Variants in RNMT observed in about 807,000 individuals in gnomAD.
RNMT encodes RNA guanine-7 methyltransferase.
In RNMT, 27 loss-of-function variants were observed where a neutral mutation model predicts 56.0. The ratio of observed to expected loss-of-function variants is 0.48; its 90% CI spans 0.36 to 0.67. The LOEUF (loss-of-function observed/expected upper bound fraction) is 0.67, where lower values mean the gene tolerates loss of function less well. RNMT is among the 30% of genes least tolerant of loss of function. The pLI is 0.00. For missense variants in RNMT, 519 were observed against 552.1 expected (o/e 0.94, Z 0.60); for synonymous variants, 184 against 176.2 (o/e 1.04, Z -0.35).
chr18:13,732,066 CAA>C lies in RNMT; in HGVS notation c.417+134_417+135del. Reference sequence around the variant, plus strand: ...ATTTTTAATAGATATGGTCCTAAGACAAAGTAGGCTTTTAACTCTTATGATTT... The same window carrying C: ...ATTTTTAATAGATATGGTCCTAAGACAGTAGGCTTTTAACTCTTATGATTT... On this transcript the variant is annotated intron_variant, in intron 3 of 11. Transcript: ENST00000383314. 3 of 598,222 alleles carry C rather than the reference CAA, an allele frequency of 5.0e-6. 1 individual carries two copies. The highest frequency in any genetic ancestry group is 8.1e-6 in the Non-Finnish European group (3 of 370,994). The allele number at this position is 598,222 out of a possible 1,614,324, so 37.1% of individuals were successfully genotyped here. A position where few individuals can be genotyped will look rare whatever the true frequency, so the allele number is the denominator to read the frequency against.
At chr18:13,732,291 G>A (rs1387334912) in intron 3 of RNMT, among the ~76,000 whole-genome samples, 1 of 152,120 alleles carries the variant, frequency 6.6e-6, no homozygotes, top group African/African-American at 2.4e-5. Flanking sequence ...AACCTCCTGG[G>A]CATAAGCAGT....
At position 13,760,584 on chromosome 18, in the gene RNMT, C is replaced by T; in HGVS notation, c.*605C>T. 1 of 985,596 alleles carries T rather than the reference C, an allele frequency of 1.0e-6. No homozygotes were observed. The highest frequency in any genetic ancestry group is 1.2e-6 in the Non-Finnish European group (1 of 829,920). 61.1% of individuals were successfully genotyped at this position (985,596 alleles called of 1,614,324 possible). A position where few individuals can be genotyped will look rare whatever the true frequency, so the allele number is the denominator to read the frequency against. On this transcript the variant is annotated 3_prime_UTR_variant, in exon 12 of 12. Coordinates refer to ENST00000383314, the MANE Select transcript of RNMT (RefSeq NM_003799.3). ...GCTGCAATTCAGGAGCTGGTTAGAA[C>T]ATTTTAAGTGGCAGCATAGAATTTT...
At position 13,762,889 on chromosome 18, in the gene RNMT, G is replaced by A. The variant is rs1598433400; in HGVS notation, c.*2910G>A. 1 of 348,428 alleles carries A rather than the reference G, an allele frequency of 2.9e-6. No individual in the cohort carries two copies. The allele number at this position is 348,428 out of a possible 1,614,324, so 21.6% of individuals were successfully genotyped here. ...AATGAAGGTTTGGCTACTTGTATAG[G>A]TCTGCCTGCAGGGTGAAAATGCCAG... On this transcript the variant is annotated 3_prime_UTR_variant, in exon 12 of 12. Transcript: ENST00000383314.
At chr18:13,727,156 C>G (rs73958030) in intron 1 of RNMT, among the ~76,000 whole-genome samples, 1,736 of 152,294 alleles carry the variant, frequency 0.011, 37 homozygotes, top group African/African-American at 0.04. Flanking sequence ...CCTCTCGGGC[C>G]CCGTGGTAGA....
intron 1 of RNMT, among the ~76,000 whole-genome samples, chr18:13,728,318 TTTTTTTTTTTTTTGTGTGTGTGTGTG>T (rs1485582178): frequency 2.5e-3 from 35 of 14,130 alleles, no homozygotes; most frequent in Admixed American, 3.8e-3. Flanking sequence ...TTTTTTTTTT[TTTTTTTTTTTTTTGTGTGTGTGTGTG>T]TGTGTGTGTG....
chr18:13,745,749 A>G (rs1234768487), intron 8 of RNMT, among the ~76,000 whole-genome samples: 1 of 151,106 alleles, frequency 6.6e-6, no homozygotes, highest in Non-Finnish European at 1.5e-5. Flanking sequence ...GTAAAAAAAA[A>G]CCTGTAAGTG....
intron 11 of RNMT, among the ~76,000 whole-genome samples, chr18:13,757,872 C>G (rs2044569447): frequency 6.6e-6 from 1 of 152,154 alleles, no homozygotes; most frequent in African/African-American, 2.4e-5. Context: ...AAATGTATTT[C>G]TTAAATAATA....
intron 1 of RNMT, among the ~76,000 whole-genome samples, chr18:13,728,300 C>CTTT (rs1204415985): frequency 3.6e-4 from 40 of 109,636 alleles, no homozygotes; most frequent in African/African-American, 6.2e-4. Context: ...TCATCAGCAT[C>CTTT]TTTTTTTTTT....
At position 13,761,928 on chromosome 18, in the gene RNMT, G is replaced by T. The variant is rs1036151678; in HGVS notation, c.*1949G>T. Reference sequence around the variant, plus strand: ...TTGACTTAAGAACTGTTAGGAAGAGGACTAGAAAAGGCTTCCCCTGCCTAT... The same window carrying T: ...TTGACTTAAGAACTGTTAGGAAGAGTACTAGAAAAGGCTTCCCCTGCCTAT... On this transcript the variant is annotated 3_prime_UTR_variant, in exon 12 of 12. Transcript: ENST00000383314. 5.5e-6 allele frequency: 8 copies of T among 1,451,816 alleles called. No homozygotes were observed. In the Admixed American group the frequency reaches 1.8e-4, roughly 33 times the overall value. 89.9% of individuals were successfully genotyped at this position (1,451,816 alleles called of 1,614,324 possible). A position where few individuals can be genotyped will look rare whatever the true frequency, so the allele number is the denominator to read the frequency against.
chr18:13,743,366 A>C (rs930018016), intron 8 of RNMT, among the ~76,000 whole-genome samples: 4 of 147,048 alleles, frequency 2.7e-5, no homozygotes, highest in East Asian at 4.0e-4. Flanking sequence ...ATAAATAAAT[A>C]AATAAATCAA....
chr18:13,742,793 T>TAAA, intron 8 of RNMT, 141 bp downstream of exon 8: 1 of 637,384 alleles, frequency 1.6e-6, no homozygotes, highest in Non-Finnish European at 2.5e-6. Flanking sequence ...TTTTGTGTTT[T>TAAA]TAAAAAAAAA....
Position 13,739,891 on chromosome 18 carries a change from T to G in RNMT, c.680-276T>G, listed in dbSNP as rs1450644942. ...TAGTGTTAGGTTTTATAATTCAGAT[T>G]GGAATAAAACTTTCTCCTTTTTACT... On this transcript the variant is annotated intron_variant, in intron 5 of 11. Transcript: ENST00000383314. Among the ~76,000 whole-genome samples the G allele has an allele frequency of 2.0e-5, 3 of 152,346 alleles. No homozygotes were observed. In the East Asian group the frequency reaches 5.8e-4, roughly 29 times the overall value.
At chr18:13,748,815 C>T (rs1421475859) in intron 9 of RNMT, among the ~76,000 whole-genome samples, 1 of 152,174 alleles carries the variant, frequency 6.6e-6, no homozygotes, top group Non-Finnish European at 1.5e-5. Flanking sequence ...CATGGTGGCT[C>T]ATGCCTGTAA....
rs1035253942 is a variant in RNMT at position 13,742,800 on chromosome 18, A to T, written c.1139+148A>T. On this transcript the variant is annotated intron_variant, in intron 8 of 11. Coordinates refer to ENST00000383314, the MANE Select transcript of RNMT (RefSeq NM_003799.3). ...TTTTTTGTTTTTGTGTTTTTAAAAAAAAAAAACAAAACAAGACTAGCTTCA... is the reference window on the plus strand; with the variant it reads ...TTTTTTGTTTTTGTGTTTTTAAAAATAAAAAACAAAACAAGACTAGCTTCA... 4 of 590,240 alleles carry T rather than the reference A, an allele frequency of 6.8e-6. No individual in the cohort carries two copies. In the African/African-American group the frequency reaches 7.8e-5, roughly 12 times the overall value. 36.6% of individuals were successfully genotyped at this position (590,240 alleles called of 1,614,324 possible). A position where few individuals can be genotyped will look rare whatever the true frequency, so the allele number is the denominator to read the frequency against.
At chr18:13,735,435 A>G (rs928156872) in intron 4 of RNMT, among the ~76,000 whole-genome samples, 4 of 150,640 alleles carry the variant, frequency 2.7e-5, no homozygotes, top group Non-Finnish European at 4.4e-5. Flanking sequence ...TTTAACATTC[A>G]TGTTCTGTTA....
intron 11 of RNMT, among the ~76,000 whole-genome samples, chr18:13,756,700 A>G (rs2044549610): frequency 6.6e-6 from 1 of 152,246 alleles, no homozygotes; most frequent in Non-Finnish European, 1.5e-5. Context: ...AGTATTTTGG[A>G]AAAACTGCTA....
At chr18:13,728,326 TTTTTTGTGTGTGTGTGTG>T (rs2044004864) in intron 1 of RNMT, among the ~76,000 whole-genome samples, 1 of 9,308 alleles carries the variant, frequency 1.1e-4, no homozygotes, top group South Asian at 3.7e-3. Flanking sequence ...TTTTTTTTTT[TTTTTTGTGTGTGTGTGTG>T]TGTGTGTGTG....
Position 13,762,964 on chromosome 18 carries a change from T to C in RNMT, c.*2985T>C, listed in dbSNP as rs1226878249. On this transcript the variant is annotated 3_prime_UTR_variant, in exon 12 of 12. Coordinates refer to ENST00000383314, the MANE Select transcript of RNMT (RefSeq NM_003799.3). ...TTGTTTTTTGTTGAAAAACTGACTT[T>C]CTGTTGTCTACCTCAGGCCTTGTGC... 2 of 384,346 alleles carry C rather than the reference T, an allele frequency of 5.2e-6. No homozygotes were observed. Among genetic ancestry groups the C allele is most frequent in the East Asian group, 1.5e-4 (2 of 13,692 alleles). The allele number at this position is 384,346 out of a possible 1,614,324, so 23.8% of individuals were successfully genotyped here. A position where few individuals can be genotyped will look rare whatever the true frequency, so the allele number is the denominator to read the frequency against.
chr18:13,760,684 A>G lies in RNMT; in HGVS notation c.*705A>G. On this transcript the variant is annotated 3_prime_UTR_variant, in exon 12 of 12. Transcript: ENST00000383314. ...TTCCAGTTATCAAGATTGTGATTAG[A>G]CACATTTACCTTTCTTCATTGAACA... The G allele has an allele frequency of 1.0e-6, 1 of 985,348 alleles. No individual in the cohort carries two copies. Among genetic ancestry groups the G allele is most frequent in the Non-Finnish European group, 1.2e-6 (1 of 829,840 alleles). 61.0% of individuals were successfully genotyped at this position (985,348 alleles called of 1,614,324 possible).
Sources: gnomAD v4.1 joint callset for allele counts (sites outside exome capture counted in the v4.1 genomes callset) on GRCh38, gnomAD v4.1.1 for gene constraint, MANE v1.5 for transcripts, NCBI Gene and HGNC (gene_info 2026-07-23, HGNC 2026-07-21) for gene names.